The following SPECC1L variants were observed in gnomAD, a reference collection of about 807,000 sequenced individuals.
SPECC1L encodes cytospin-A.
A neutral mutation model predicts 116.8 loss-of-function variants in SPECC1L; 40 were observed. That is an observed-to-expected ratio of 0.34 (90% CI 0.27 to 0.45). SPECC1L has a LOEUF of 0.45. Among genes scored for constraint, SPECC1L ranks in the 20% least tolerant of loss-of-function variants. The probability of loss-of-function intolerance (pLI) is 1.00; values close to 1 mark genes in which losing one functional copy is unlikely to be tolerated. For synonymous variants in SPECC1L, 504 were observed against 500.6 expected, an observed-to-expected ratio of 1.01 and a Z score of -0.09; for missense variants, 1,110 against 1,373.6, an observed-to-expected ratio of 0.81 and a Z score of 3.03.
chr22:24,336,495 T>A (rs1389891560), intron 9 of SPECC1L, among the ~76,000 whole-genome samples: 1 of 152,124 alleles, frequency 6.6e-6, no homozygotes, highest in Non-Finnish European at 1.5e-5. Context: ...CAACTACTTA[T>A]GAGGCCGAGG....
chr22:24,346,150 G>A (rs141295805), intron 10 of SPECC1L, among the ~76,000 whole-genome samples: 5,138 of 152,104 alleles, frequency 0.034, 175 homozygotes, highest in African/African-American at 0.083. Flanking sequence ...GAGATTACAG[G>A]CGCCTGCCAC....
At chr22:24,326,605 G>A (rs2040826443) in intron 6 of SPECC1L, among the ~76,000 whole-genome samples, 1 of 152,172 alleles carries the variant, frequency 6.6e-6, no homozygotes, top group South Asian at 2.1e-4. Flanking sequence ...TACCCTTGTT[G>A]TCTCAACACA....
intron 14 of SPECC1L, among the ~76,000 whole-genome samples, chr22:24,377,945 G>A (rs2042000652): frequency 6.6e-6 from 1 of 152,210 alleles, no homozygotes; most frequent in Non-Finnish European, 1.5e-5. Context: ...AAAGTCACCA[G>A]CTGCTTAGGC....
chr22:24,334,235 A>G (rs192567742), intron 8 of SPECC1L, among the ~76,000 whole-genome samples, 175 bp from the exon 9 acceptor site: 2 of 151,734 alleles, frequency 1.3e-5, no homozygotes, highest in East Asian at 3.9e-4. Context: ...GATGGTCTCG[A>G]TCTCCTGACC....
chr22:24,400,493 C>T (rs1334319176), intron 14 of SPECC1L, among the ~76,000 whole-genome samples: 1 of 152,080 alleles, frequency 6.6e-6, no homozygotes, highest in Non-Finnish European at 1.5e-5. Flanking sequence ...GGGTTGTTTC[C>T]ACCTTTTGGC....
chr22:24,373,864 G>A (rs1053577300), intron 14 of SPECC1L, among the ~76,000 whole-genome samples: 7 of 151,912 alleles, frequency 4.6e-5, no homozygotes, highest in Non-Finnish European at 5.9e-5. Flanking sequence ...GAAAATTTTC[G>A]CAATCTACTC....
chr22:24,331,829 A>AT lies in SPECC1L; in HGVS notation c.2396+1407dup, dbSNP rs149886589. Among the ~76,000 whole-genome samples, 7 of 151,578 alleles carry AT rather than the reference A, an allele frequency of 4.6e-5. No homozygotes were observed. In the East Asian group the frequency reaches 1.4e-3, roughly 29 times the overall value. ...TATACTCTTCACCACCACATACTTGATTTTTTTTTAATGTAGGTTTCACTT... is the reference window on the plus strand; with the variant it reads ...TATACTCTTCACCACCACATACTTGATTTTTTTTTTAATGTAGGTTTCACTT... On this transcript the variant is annotated intron_variant, in intron 8 of 16. Transcript: ENST00000314328.
intron 6 of SPECC1L, among the ~76,000 whole-genome samples, chr22:24,327,899 A>G (rs2040862906): frequency 1.3e-5 from 2 of 152,212 alleles, no homozygotes; most frequent in African/African-American, 4.8e-5. Flanking sequence ...CTTGGAACAC[A>G]CACAACAGCC....
Position 24,315,891 on chromosome 22 carries a change from C to CTG in SPECC1L, c.307+2435_307+2436dup, listed in dbSNP as rs199773577. ...TGGCTGCCTTCTCTGTGTCTTCCCTCTGTGTGTGTGTCCTCATCTCCTCCT... is the reference window on the plus strand; with the variant it reads ...TGGCTGCCTTCTCTGTGTCTTCCCTCTGTGTGTGTGTGTCCTCATCTCCTCCT... On this transcript the variant is annotated intron_variant, in intron 4 of 16. Coordinates refer to ENST00000314328, the MANE Select transcript of SPECC1L (RefSeq NM_015330.6). 4.0e-3 allele frequency among the ~76,000 whole-genome samples: 615 copies of CTG among 152,292 alleles called. 6 individuals carry two copies. The highest frequency in any genetic ancestry group is 0.014 in the African/African-American group (574 of 41,556).
At chr22:24,324,499 A>T in intron 6 of SPECC1L, 72 bp downstream of exon 6, 1 of 1,396,842 alleles carries the variant, frequency 7.2e-7, no homozygotes, top group South Asian at 1.2e-5. Flanking sequence ...TGCATTTAGT[A>T]ATAAAATAGG....
intron 14 of SPECC1L, among the ~76,000 whole-genome samples, chr22:24,385,695 T>C (rs2042148311): frequency 6.6e-6 from 1 of 152,216 alleles, no homozygotes; most frequent in Non-Finnish European, 1.5e-5. Context: ...AGTAAGACTT[T>C]AGAGGCACTG....
intron 2 of SPECC1L, among the ~76,000 whole-genome samples, chr22:24,291,904 C>T (rs1371475175): frequency 6.6e-6 from 1 of 152,048 alleles, no homozygotes; most frequent in Non-Finnish European, 1.5e-5. Flanking sequence ...TTTGAATAAG[C>T]ACAGAGAATT....
chr22:24,370,979 C>G (rs763405162), intron 14 of SPECC1L, among the ~76,000 whole-genome samples: 2 of 151,954 alleles, frequency 1.3e-5, no homozygotes, highest in Non-Finnish European at 2.9e-5. Context: ...GAAAAAAGTA[C>G]TGGAGATGGA....
chr22:24,397,442 T>A (rs182967217), intron 14 of SPECC1L, among the ~76,000 whole-genome samples: 1 of 152,174 alleles, frequency 6.6e-6, no homozygotes, highest in African/African-American at 2.4e-5. Context: ...GGAAGTGTTG[T>A]GCCAGGGAAG....
chr22:24,315,912 C>T (rs1173765555), intron 4 of SPECC1L, among the ~76,000 whole-genome samples: 4 of 152,232 alleles, frequency 2.6e-5, no homozygotes, highest in African/African-American at 4.8e-5. Flanking sequence ...TCCTCATCTC[C>T]TCCTCTTACA....
Position 24,321,792 on chromosome 22 carries a change from T to G in SPECC1L, c.812T>G (p.Leu271Trp). 6.2e-7 allele frequency: 1 copy of G among 1,614,194 alleles called. No homozygotes were observed. Residue 271 changes from leucine to tryptophan, a missense_variant, in exon 5 of 17, where the codon TTG becomes TGG. Around this residue, in one of 4 missense-constraint regions of SPECC1L, gnomAD observed 437 missense variants for 482.6 expected, o/e 0.91. Transcript: ENST00000314328. ...GAAAACAGAATGTTAAAGGACAGGT[T>G]GAATGCATTGGGCTTTTCCCTAGAG... ...KNENRMLKDR[L>W]NALGFSLEQR...
At chr22:24,370,619 C>T (rs1289995548) in intron 14 of SPECC1L, among the ~76,000 whole-genome samples, 1 of 152,172 alleles carries the variant, frequency 6.6e-6, no homozygotes, top group East Asian at 1.9e-4. Flanking sequence ...ATATTTTAGG[C>T]ACACCCATTT....
chr22:24,355,196 T>C (rs1457539070), intron 11 of SPECC1L, among the ~76,000 whole-genome samples: 1 of 149,578 alleles, frequency 6.7e-6, no homozygotes, highest in Non-Finnish European at 1.5e-5. Flanking sequence ...GGCATGAGAA[T>C]TACTTGAACC....
chr22:24,380,769 A>T (rs761331597), intron 14 of SPECC1L, among the ~76,000 whole-genome samples: 1 of 152,218 alleles, frequency 6.6e-6, no homozygotes. Flanking sequence ...TGAAACCCCC[A>T]CAAGGATAAA....
Sources: gnomAD v4.1 joint callset for allele counts (sites outside exome capture counted in the v4.1 genomes callset) on GRCh38, gnomAD v4.1.1 for gene constraint, gnomAD v4.1.1 regional missense constraint, MANE v1.5 for transcripts, NCBI Gene and HGNC (gene_info 2026-07-23, HGNC 2026-07-21) for gene names.